The following CASP10 variants were observed in gnomAD, a reference collection of about 807,000 sequenced individuals.
CASP10 encodes caspase 10, also known as caspase-10.
CASP10 carries 41 observed loss-of-function variants against 48.5 expected under a neutral mutation model. The observed-to-expected ratio is 0.85, with a 90% CI of 0.66 to 1.10. The LOEUF is 1.10. Among genes scored for constraint, CASP10 ranks in the 50% least tolerant of loss-of-function variants. The probability of loss-of-function intolerance (pLI) is 0.00; values close to 1 mark genes in which losing one functional copy is unlikely to be tolerated. For missense variants in CASP10, 614 were observed against 614.5 expected, an observed-to-expected ratio of 1.00 and a Z score of 0.01; for synonymous variants, 232 against 238.4, an observed-to-expected ratio of 0.97 and a Z score of 0.25.
intron 6 of CASP10, 76 bp from the exon 7 acceptor site, chr2:201,205,806 T>C: frequency 1.1e-6 from 1 of 899,702 alleles, no homozygotes; most frequent in Non-Finnish European, 1.9e-6. Context: ...TCTCCAGAAT[T>C]AGATGCGAAA....
At chr2:201,203,640 C>A in intron 5 of CASP10, 90 bp from the exon 6 acceptor site, 1 of 1,134,270 alleles carries the variant, frequency 8.8e-7, no homozygotes, top group Non-Finnish European at 1.3e-6. Context: ...GATTAGATAT[C>A]TGTCCTTCCC....
At position 201,203,308 on chromosome 2, in the gene CASP10, C is replaced by CT. The variant is rs34064194; in HGVS notation, c.685-406dup. 6.8e-3 allele frequency among the ~76,000 whole-genome samples: 915 copies of CT among 133,974 alleles called. 6 individuals are homozygous for CT. Among genetic ancestry groups the CT allele is most frequent in the African/African-American group, 0.02 (727 of 36,504 alleles). The allele number at this position is 133,974 out of a possible 152,430, so 87.9% of individuals were successfully genotyped here. A position where few individuals can be genotyped will look rare whatever the true frequency, so the allele number is the denominator to read the frequency against. ...TTCCCATTTCCTGCCAATGAACTTT[C>CT]TTTTTTTTTTTTTTTTGAGACAGAG... On this transcript the variant is annotated intron_variant, in intron 5 of 9. Coordinates refer to ENST00000286186, the MANE Select transcript of CASP10 (RefSeq NM_032977.4).
intron 9 of CASP10, among the ~76,000 whole-genome samples, chr2:201,217,076 A>C (rs990233124): frequency 6.6e-6 from 1 of 152,164 alleles, no homozygotes; most frequent in Non-Finnish European, 1.5e-5. Context: ...TAAATGTTTC[A>C]TATCTGCATT....
At position 201,220,700 on chromosome 2, in the gene CASP10, G is replaced by A; in HGVS notation, c.*2959G>A. On this transcript the variant is annotated 3_prime_UTR_variant, in exon 10 of 10. Coordinates refer to ENST00000286186, the MANE Select transcript of CASP10 (RefSeq NM_032977.4). Reference sequence around the variant, plus strand: ...AAATAAACCTGTCCTTGGCTGTCAAGCCACCTTTCATGTTTCTTTCCTCTT... The same window carrying A: ...AAATAAACCTGTCCTTGGCTGTCAAACCACCTTTCATGTTTCTTTCCTCTT... The A allele has an allele frequency of 1.0e-6, 1 of 974,720 alleles. No individual in the cohort carries two copies. Among genetic ancestry groups the A allele is most frequent in the South Asian group, 4.7e-5 (1 of 21,068 alleles). 60.4% of individuals were successfully genotyped at this position (974,720 alleles called of 1,614,324 possible). A position where few individuals can be genotyped will look rare whatever the true frequency, so the allele number is the denominator to read the frequency against.
chr2:201,191,013 C>G (rs1043406696), intron 3 of CASP10, among the ~76,000 whole-genome samples: 1 of 151,944 alleles, frequency 6.6e-6, no homozygotes, highest in Non-Finnish European at 1.5e-5. Flanking sequence ...AGGCGCCCAC[C>G]ACCACACCCA....
At chr2:201,200,313 G>C in intron 5 of CASP10, 1 of 774,362 alleles carries the variant, frequency 1.3e-6, no homozygotes, top group Non-Finnish European at 2.1e-6. Context: ...GTCTGCTGAT[G>C]ATTCTTGTGT....
intron 8 of CASP10, 100 bp from the exon 9 acceptor site, chr2:201,208,970 G>A: frequency 7.4e-7 from 1 of 1,345,810 alleles, no homozygotes; most frequent in Non-Finnish European, 1.0e-6. Flanking sequence ...GAGCCACTGT[G>A]CCCGGCCTTG....
At chr2:201,189,889 C>T (rs1237398134) in intron 3 of CASP10, among the ~76,000 whole-genome samples, 3 of 152,078 alleles carry the variant, frequency 2.0e-5, no homozygotes, top group Non-Finnish European at 4.4e-5. Context: ...GTCCCAGCTC[C>T]TCAGGAGGCT....
chr2:201,214,390 A>T (rs1426704615), intron 9 of CASP10: 1 of 152,144 alleles, frequency 6.6e-6, no homozygotes, highest in African/African-American at 2.4e-5. Flanking sequence ...GGTTTTTTCC[A>T]TAGGGGTGAT....
Position 201,208,125 on chromosome 2 carries a change from T to C in CASP10, c.864T>C (p.Ile288=). ...MNRNHRGLCV[I]VNNHSFTSLK... Reference sequence around the variant, plus strand: ...GGAACCACAGAGGCCTCTGTGTCATTGTCAACAACCACAGCTTTACCTCCC... The same window carrying C: ...GGAACCACAGAGGCCTCTGTGTCATCGTCAACAACCACAGCTTTACCTCCC... Residue 288 remains isoleucine (I), a synonymous_variant, in exon 8 of 10, where the codon ATT becomes ATC. Transcript: ENST00000286186. 6.2e-7 allele frequency: 1 copy of C among 1,614,082 alleles called. No individual in the cohort carries two copies. The highest frequency in any genetic ancestry group is 1.1e-5 in the South Asian group (1 of 91,074).
intron 7 of CASP10, 111 bp from the exon 8 acceptor site, chr2:201,207,964 G>T: frequency 1.3e-6 from 1 of 760,314 alleles, no homozygotes; most frequent in Non-Finnish European, 2.4e-6. Context: ...AACTGGCATG[G>T]GGAGATACAT....
chr2:201,215,835 T>A (rs922912279), intron 9 of CASP10, among the ~76,000 whole-genome samples: 1 of 152,094 alleles, frequency 6.6e-6, no homozygotes, highest in African/African-American at 2.4e-5. Context: ...GTTTTAGAGA[T>A]GGGGTCTTGT....
intron 9 of CASP10, chr2:201,215,021 T>C (rs564915560): frequency 6.6e-6 from 1 of 152,268 alleles, no homozygotes; most frequent in East Asian, 1.9e-4. Flanking sequence ...TTTTTTCTTA[T>C]ACCTGTGGAC....
intron 9 of CASP10, among the ~76,000 whole-genome samples, chr2:201,209,878 C>T (rs746516394): frequency 3.9e-5 from 6 of 152,116 alleles, no homozygotes; most frequent in Non-Finnish European, 7.4e-5. Context: ...GAGTCCTTGC[C>T]CTCAGGTTGC....
intron 3 of CASP10, among the ~76,000 whole-genome samples, chr2:201,188,568 T>C (rs922489301): frequency 1.3e-5 from 2 of 152,220 alleles, no homozygotes; most frequent in African/African-American, 4.8e-5. Flanking sequence ...TTAAAATGTA[T>C]CTGTTGAAGA....
At position 201,221,147 on chromosome 2, in the gene CASP10, G is replaced by A; in HGVS notation, c.*3406G>A. 1.0e-6 allele frequency: 1 copy of A among 985,402 alleles called. No individual in the cohort carries two copies. The highest frequency in any genetic ancestry group is 1.2e-6 in the Non-Finnish European group (1 of 829,930). 61.0% of individuals were successfully genotyped at this position (985,402 alleles called of 1,614,324 possible). A position where few individuals can be genotyped will look rare whatever the true frequency, so the allele number is the denominator to read the frequency against. On this transcript the variant is annotated 3_prime_UTR_variant, in exon 10 of 10. Transcript: ENST00000286186. ...TTAAGTTCCTTTGTGCGTAATTCCAGCTGACTTTATTAGCGGCAACTCAGC... is the reference window on the plus strand; with the variant it reads ...TTAAGTTCCTTTGTGCGTAATTCCAACTGACTTTATTAGCGGCAACTCAGC...
chr2:201,198,416 G>A (rs1480080000), intron 5 of CASP10, among the ~76,000 whole-genome samples: 1 of 151,166 alleles, frequency 6.6e-6, no homozygotes, highest in African/African-American at 2.4e-5. Flanking sequence ...ATAGAGACAG[G>A]GTTTCACTAT....
intron 4 of CASP10, among the ~76,000 whole-genome samples, chr2:201,193,816 T>C (rs1186213905): frequency 6.6e-6 from 1 of 152,200 alleles, no homozygotes; most frequent in Non-Finnish European, 1.5e-5. Flanking sequence ...GTGGACTCTA[T>C]AGAGTCGGAT....
At chr2:201,203,254 TCTC>T (rs899737655) in intron 5 of CASP10, among the ~76,000 whole-genome samples, 2 of 152,154 alleles carry the variant, frequency 1.3e-5, no homozygotes, top group Non-Finnish European at 2.9e-5. Context: ...TTGTGAACCT[TCTC>T]CTTTGGATGG....
Sources: allele counts gnomAD v4.1 joint callset (sites outside exome capture counted in the v4.1 genomes callset), GRCh38; gene constraint gnomAD v4.1.1; transcripts MANE v1.5; gene names NCBI Gene and HGNC (gene_info 2026-07-23, HGNC 2026-07-21).